The following HSPG2 variants were observed in gnomAD, a reference collection of about 807,000 sequenced individuals.
HSPG2 encodes the protein heparan sulfate proteoglycan 2.
In HSPG2, 278 loss-of-function variants were observed where a neutral mutation model predicts 526.6. That is an observed-to-expected ratio of 0.53 (90% CI 0.48 to 0.58). HSPG2 has a LOEUF of 0.58. Ranked by LOEUF, HSPG2 falls within the 20% of genes least tolerant of loss-of-function variation. The probability of loss-of-function intolerance (pLI) is 0.00; values close to 1 mark genes in which losing one functional copy is unlikely to be tolerated. For synonymous variants in HSPG2, 2,465 were observed against 2,555.4 expected (o/e 0.96, Z 1.07); for missense variants, 5,354 against 6,099.5 (o/e 0.88, Z 4.07).
chr1:21,875,335 G>A, intron 25 of HSPG2: 1 of 596,650 alleles, frequency 1.7e-6, no homozygotes, highest in South Asian at 2.0e-5. Context: ...CCTGTGGGCT[G>A]AGGCTGGGGC....
chr1:21,837,334 G>T (rs2098030584), intron 74 of HSPG2, among the ~76,000 whole-genome samples: 1 of 152,180 alleles, frequency 6.6e-6, no homozygotes, highest in Admixed American at 6.5e-5. Flanking sequence ...AGGCTGGAGT[G>T]CAGTGGCACG....
At position 21,833,602 on chromosome 1, in the gene HSPG2, G is replaced by A. The variant is rs1392934049; in HGVS notation, c.10843C>T (p.Leu3615=). The A allele has an allele frequency of 6.2e-7, 1 of 1,614,092 alleles. No individual in the cohort carries two copies. Residue 3615 remains leucine (L), a synonymous_variant, in exon 79 of 97, where the codon CTG becomes TTG. Transcript: ENST00000374695. ...TTCTCCAGGCGGCTGTCAGGTGGCA[G>A]GCTGCCATCCAGCTGCAAATGCACT... ...DISWSKLDGS[L]PPDSRLENNM...
In HSPG2 at chr1:21,865,492, G is replaced by T; in HGVS notation, c.4315-127C>A. 1.0e-6 allele frequency: 1 copy of T among 963,390 alleles called. No homozygotes were observed. 59.7% of individuals were successfully genotyped at this position (963,390 alleles called of 1,614,324 possible). Reference sequence around the variant, plus strand: ...CCTCTCTGCTCTCCCAAGCTCATGCGCCCAAAGGAGTCAGGCACATGCCCA... The same window carrying T: ...CCTCTCTGCTCTCCCAAGCTCATGCTCCCAAAGGAGTCAGGCACATGCCCA... On this transcript the variant is annotated intron_variant, in intron 34 of 96. Coordinates refer to ENST00000374695, the MANE Select transcript of HSPG2 (RefSeq NM_005529.7). The surrounding 1 kb of genome is among the most constrained non-coding windows in gnomAD (Gnocchi z 5.4).
At position 21,878,560 on chromosome 1, in the gene HSPG2, C is replaced by A. The variant is rs74060201; in HGVS notation, c.2558+17G>T. On this transcript the variant is annotated intron_variant, in intron 19 of 96. Transcript: ENST00000374695. Reference sequence around the variant, plus strand: ...CCCAGGAGCCCCCTTCCTGCAGCCCCCAAGGCTCTCCCTCACCTCTCACAG... The same window carrying A: ...CCCAGGAGCCCCCTTCCTGCAGCCCACAAGGCTCTCCCTCACCTCTCACAG... 3,302 of 1,614,076 alleles carry A rather than the reference C, an allele frequency of 2.0e-3. 55 individuals are homozygous for A. In the African/African-American group the frequency reaches 0.038, roughly 19 times the overall value.
intron 87 of HSPG2, 37 bp downstream of exon 87, chr1:21,829,346 G>C (rs1295799871): frequency 6.9e-6 from 11 of 1,587,808 alleles, no homozygotes; most frequent in Middle Eastern, 3.3e-4. Flanking sequence ...CACAAGGCTT[G>C]GTGTGCAGAG....
In HSPG2 at chr1:21,880,298, C is replaced by T. The variant is rs752827615; in HGVS notation, c.2196-44G>A. ...AAGAGTCGCTGCAAGGACGGTGAGG[C>T]CCTGCCGTTTCTCCTCTATCCTTGC... On this transcript the variant is annotated intron_variant, in intron 16 of 96. Coordinates refer to ENST00000374695, the MANE Select transcript of HSPG2 (RefSeq NM_005529.7). 41 of 1,613,874 alleles carry T rather than the reference C, an allele frequency of 2.5e-5. No homozygotes were observed. The Middle Eastern group carries it at 1.6e-3, about 65-fold the overall frequency.
chr1:21,859,236 A>G lies in HSPG2; in HGVS notation c.5293+330T>C, dbSNP rs997857949. Among the ~76,000 whole-genome samples, 1 of 151,948 alleles carries G rather than the reference A, an allele frequency of 6.6e-6. No homozygotes were observed. The highest frequency in any genetic ancestry group is 2.4e-5 in the African/African-American group (1 of 41,376). On this transcript the variant is annotated intron_variant, in intron 42 of 96. Coordinates refer to ENST00000374695, the MANE Select transcript of HSPG2 (RefSeq NM_005529.7). The surrounding 1 kb of genome is among the most constrained non-coding windows in gnomAD (Gnocchi z 5.3). ...GCTAATTTTTTCATTTGTACTAGAG[A>G]CAGGGTTTTACGACGTTGGCCAGGC...
rs767790192 is a variant in HSPG2, at chr1:21,823,498, G to A, written c.13004-10C>T. 1 of 1,605,800 alleles carries A rather than the reference G, an allele frequency of 6.2e-7. No homozygotes were observed. Among genetic ancestry groups the A allele is most frequent in the African/African-American group, 1.3e-5 (1 of 74,912 alleles). ...ACGTCAGGGGCTCCGCCTGCCGGGA[G>A]GTGAGAGGACAGGGCCTGTGGGCTC... On this transcript the variant is annotated splice_polypyrimidine_tract_variant and intron_variant, in intron 96 of 96. Transcript: ENST00000374695.
intron 13 of HSPG2, among the ~76,000 whole-genome samples, chr1:21,881,896 T>A (rs1641537412): frequency 7.7e-6 from 1 of 130,358 alleles, no homozygotes; most frequent in Non-Finnish European, 1.5e-5. Flanking sequence ...CGAGCTGAGA[T>A]CACACCAGTG....
chr1:21,837,050 A>G, intron 74 of HSPG2, 44 bp from the exon 75 acceptor site: 5 of 1,504,928 alleles, frequency 3.3e-6, no homozygotes, highest in Non-Finnish European at 4.5e-6. Context: ...TGTGTGTGTG[A>G]TGTCCCTGAT....
At chr1:21,930,019 C>T (rs1008577234) in intron 1 of HSPG2, among the ~76,000 whole-genome samples, 20 of 152,136 alleles carry the variant, frequency 1.3e-4, no homozygotes, top group African/African-American at 3.9e-4. Flanking sequence ...TTCACTCAGA[C>T]GCAAATCCAA....
In HSPG2 at chr1:21,823,346, G is replaced by T; in HGVS notation, c.13146C>A (p.Ala4382=). The change falls in exon 97 of 97, where the codon GCC becomes GCA. Residue 4382 remains alanine (A), a synonymous_variant. Transcript: ENST00000374695. ...AGGGGCAGGGGCGTGTGTTGGCCCC[G>T]GCCTGGGCGCGGTGCTGCAGGTCCA... is the stretch of plus-strand genomic sequence containing the variant. ...QPLDLQHRAQ[A]GANTRPCPS The T allele has an allele frequency of 6.5e-7, 1 of 1,543,444 alleles. No individual in the cohort carries two copies. Among genetic ancestry groups the T allele is most frequent in the Non-Finnish European group, 8.7e-7 (1 of 1,147,908 alleles).
chr1:21,896,065 A>G (rs1486205425), intron 2 of HSPG2, 99 bp from the exon 3 acceptor site: 2 of 1,595,974 alleles, frequency 1.3e-6, no homozygotes, highest in Non-Finnish European at 1.7e-6. Flanking sequence ...ACAGTGGGAC[A>G]GGGTTGAGAA....
Position 21,836,875 on chromosome 1 carries a change from C to G in HSPG2, c.10282G>C (p.Gly3428Arg). The G allele has an allele frequency of 6.3e-7, 1 of 1,576,456 alleles. No homozygotes were observed. The highest frequency in any genetic ancestry group is 1.2e-5 in the South Asian group (1 of 86,002). ...EFHCAVPSDR[G>R]TQLRWFKEGG... ...TCCTTGAACCAACGGAGCTGGGTAC[C>G]CCGGTCGCTGGGCACAGCACAGTGG... The change falls in exon 75 of 97, where the codon GGT becomes CGT. Residue 3428 changes from glycine (G) to arginine (R), a missense_variant. Coordinates refer to ENST00000374695, the MANE Select transcript of HSPG2 (RefSeq NM_005529.7).
Position 21,839,553 on chromosome 1 carries a change from G to A in HSPG2, c.9710-3C>T, listed in dbSNP as rs1557692899. 6.2e-7 allele frequency: 1 copy of A among 1,613,610 alleles called. No individual in the cohort carries two copies. Among genetic ancestry groups the A allele is most frequent in the Non-Finnish European group, 8.5e-7 (1 of 1,179,868 alleles). ...GTGGATGGTGGGCGCGGGGCTGCCT[G>A]TGGAGTCGAGTGGAAGATGACAGAA... On this transcript the variant is annotated splice_polypyrimidine_tract_variant and splice_region_variant and intron_variant, in intron 72 of 96. Transcript: ENST00000374695. The surrounding 1 kb of genome is among the most constrained non-coding windows in gnomAD (Gnocchi z 4.5).
chr1:21,846,212 T>G lies in HSPG2; in HGVS notation c.8360A>C (p.Asp2787Ala), dbSNP rs758115970. Reference sequence around the variant, plus strand: ...CACCCGGCACACGTATTCACCCGAGTCGGCCGGGGACACATGGTGCAGCCG... The same window carrying G: ...CACCCGGCACACGTATTCACCCGAGGCGGCCGGGGACACATGGTGCAGCCG... ...RLRLHHVSPA[D>A]SGEYVCRVMG... The change falls in exon 64 of 97, where the codon GAC becomes GCC. Residue 2787 changes from aspartate to alanine, a missense_variant. By Grantham distance (126) the Asp-to-Ala change is moderately radical (BLOSUM62 -2). Transcript: ENST00000374695. 1.9e-6 allele frequency: 3 copies of G among 1,612,838 alleles called. No homozygotes were observed. Among genetic ancestry groups the G allele is most frequent in the South Asian group, 2.2e-5 (2 of 91,070 alleles).
chr1:21,866,468 T>C (rs1640241164), intron 33 of HSPG2, among the ~76,000 whole-genome samples: 2 of 152,316 alleles, frequency 1.3e-5, no homozygotes, highest in Non-Finnish European at 2.9e-5. Flanking sequence ...CTTATGCTCT[T>C]TCTACCAGGC....
chr1:21,859,064 T>G lies in HSPG2; in HGVS notation c.5293+502A>C, dbSNP rs1248115272. ...GAGGTGCATTATTATTATTATTTTT[T>G]TAAGACAGAGTCTTGCTCTGTTGCC... On this transcript the variant is annotated intron_variant, in intron 42 of 96. Transcript: ENST00000374695. This position sits in a 1 kb window ranked among gnomAD's most constrained non-coding sequence, Gnocchi z 5.3. Among the ~76,000 whole-genome samples the G allele has an allele frequency of 6.6e-6, 1 of 152,078 alleles. No homozygotes were observed. The highest frequency in any genetic ancestry group is 2.4e-5 in the African/African-American group (1 of 41,374).
chr1:21,881,139 G>T (rs539339946), intron 14 of HSPG2, among the ~76,000 whole-genome samples, 200 bp downstream of exon 14: 154 of 152,312 alleles, frequency 1.0e-3, no homozygotes, highest in African/African-American at 3.7e-3. Context: ...CCGGGAGGAG[G>T]GGAGGCCAGC....
Sources: gnomAD v4.1 joint callset for allele counts (sites outside exome capture counted in the v4.1 genomes callset) on GRCh38, gnomAD v4.1.1 for gene constraint, Gnocchi (gnomAD v3.1) non-coding constraint, MANE v1.5 for transcripts, NCBI Gene and HGNC (gene_info 2026-07-23, HGNC 2026-07-21) for gene names.